ATP11B: variants seen among roughly 807,000 people sequenced by gnomAD.
The protein encoded by ATP11B is phospholipid-transporting ATPase IF.
A neutral mutation model predicts 157.8 loss-of-function variants in ATP11B; 81 were observed. The ratio of observed to expected loss-of-function variants is 0.51; its 90% CI spans 0.43 to 0.62. The LOEUF (loss-of-function observed/expected upper bound fraction) is 0.62, where lower values mean the gene tolerates loss of function less well. Ranked by LOEUF, ATP11B falls within the 20% of genes least tolerant of loss-of-function variation. The probability of loss-of-function intolerance (pLI) is 0.00; values close to 1 mark genes in which losing one functional copy is unlikely to be tolerated. For synonymous variants in ATP11B, 451 were observed against 469.4 expected (o/e 0.96, Z 0.51); for missense variants, 1,165 against 1,402.2 (o/e 0.83, Z 2.70).
chr3:182,840,809 A>G (rs774764666), intron 7 of ATP11B, among the ~76,000 whole-genome samples: 1 of 152,180 alleles, frequency 6.6e-6, no homozygotes, highest in Non-Finnish European at 1.5e-5. Context: ...CTGAGCCAGT[A>G]CCATCTCCTG....
intron 8 of ATP11B, 40 bp downstream of exon 8, chr3:182,842,162 G>T: frequency 7.0e-7 from 1 of 1,435,470 alleles, no homozygotes; most frequent in Non-Finnish European, 9.8e-7. Context: ...CTTTAAATGG[G>T]AACTGTTTGG....
chr3:182,827,864 T>G (rs1253743558), intron 2 of ATP11B, among the ~76,000 whole-genome samples: 1 of 151,940 alleles, frequency 6.6e-6, no homozygotes, highest in Non-Finnish European at 1.5e-5. Context: ...TGGAATTTAG[T>G]AGCAAAATTG....
At chr3:182,864,886 T>G (rs1255952404) in intron 12 of ATP11B, among the ~76,000 whole-genome samples, 1 of 152,190 alleles carries the variant, frequency 6.6e-6, no homozygotes, top group Admixed American at 6.5e-5. Flanking sequence ...TAATTTGTCT[T>G]ACTTACTTTT....
intron 19 of ATP11B, among the ~76,000 whole-genome samples, chr3:182,876,928 A>G (rs1722083531): frequency 6.6e-6 from 1 of 152,244 alleles, no homozygotes; most frequent in South Asian, 2.1e-4. Flanking sequence ...TGAGATAACC[A>G]TAGAAGTCAA....
At chr3:182,906,458 C>A (rs1724355308) in intron 28 of ATP11B, among the ~76,000 whole-genome samples, 1 of 151,998 alleles carries the variant, frequency 6.6e-6, no homozygotes, top group Non-Finnish European at 1.5e-5. Flanking sequence ...TAAATTTTTT[C>A]TTTGAGACAG....
intron 2 of ATP11B, among the ~76,000 whole-genome samples, chr3:182,826,039 C>T (rs756763900): frequency 3.9e-5 from 6 of 152,100 alleles, no homozygotes; most frequent in Non-Finnish European, 7.4e-5. Flanking sequence ...TTGTCTTAAC[C>T]ATTATTACAT....
chr3:182,914,012 G>C lies in ATP11B; in HGVS notation c.3452+18G>C, dbSNP rs751084003. 6 of 1,613,474 alleles carry C rather than the reference G, an allele frequency of 3.7e-6. No homozygotes were observed. In the South Asian group the frequency reaches 6.6e-5, roughly 18 times the overall value. Reference sequence around the variant, plus strand: ...ATCAGCAGGTGTGAAATCTCTCTAAGTAGCCTTTGCTGCAGATGAGTATCC... The same window carrying C: ...ATCAGCAGGTGTGAAATCTCTCTAACTAGCCTTTGCTGCAGATGAGTATCC... On this transcript the variant is annotated intron_variant, in intron 29 of 29. Coordinates refer to ENST00000323116, the MANE Select transcript of ATP11B (RefSeq NM_014616.3).
chr3:182,828,053 C>A, intron 2 of ATP11B, 67 bp from the exon 3 acceptor site: 1 of 669,308 alleles, frequency 1.5e-6, no homozygotes. Context: ...TACTTTACTT[C>A]TTAATATTAT....
At chr3:182,796,368 T>A (rs947857688) in intron 1 of ATP11B, among the ~76,000 whole-genome samples, 1 of 152,232 alleles carries the variant, frequency 6.6e-6, no homozygotes, top group Non-Finnish European at 1.5e-5. Flanking sequence ...TTGATTATAA[T>A]TATGGAAATG....
intron 21 of ATP11B, among the ~76,000 whole-genome samples, chr3:182,883,891 C>T (rs1202446320): frequency 2.7e-4 from 38 of 141,874 alleles, no homozygotes; most frequent in African/African-American, 7.9e-4. Flanking sequence ...GGAGGCGGAG[C>T]TTGCAGTGAG....
chr3:182,887,699 G>A lies in ATP11B; in HGVS notation c.2829G>A (p.Lys943=). 3.1e-6 allele frequency: 5 copies of A among 1,609,760 alleles called. No individual in the cohort carries two copies. Among genetic ancestry groups the A allele is most frequent in the Non-Finnish European group, 4.2e-6 (5 of 1,178,940 alleles). The part of the protein sequence containing the change: ...QHVDPHVLQN[K]PTLYRDISKN... ...TAGACCCTCATGTGTTACAAAATAA[G>A]CCCACCCTTTATCGGTAAGTATTTT... The change falls in exon 24 of 30, where the codon AAG becomes AAA. Residue 943 remains lysine (K), a synonymous_variant. Transcript: ENST00000323116.
chr3:182,905,807 A>C (rs1461731961), intron 28 of ATP11B: 2 of 456,750 alleles, frequency 4.4e-6, no homozygotes, highest in Admixed American at 2.3e-5. Flanking sequence ...GAAGAAGATA[A>C]GGGTTCAGTC....
At chr3:182,856,657 C>A (rs1720428377) in intron 10 of ATP11B, among the ~76,000 whole-genome samples, 1 of 152,142 alleles carries the variant, frequency 6.6e-6, no homozygotes, top group Admixed American at 6.5e-5. Flanking sequence ...GAATACTATG[C>A]CTAATACATA....
At chr3:182,800,093 G>C (rs995765823) in intron 1 of ATP11B, among the ~76,000 whole-genome samples, 1 of 151,878 alleles carries the variant, frequency 6.6e-6, no homozygotes, top group African/African-American at 2.4e-5. Context: ...CTGGATGACA[G>C]AGTAAGACCC....
chr3:182,801,362 G>C (rs748971490), intron 1 of ATP11B, among the ~76,000 whole-genome samples: 1 of 152,190 alleles, frequency 6.6e-6, no homozygotes, highest in Non-Finnish European at 1.5e-5. Context: ...TTTTGGAAAA[G>C]TTAGGAACAG....
At chr3:182,818,044 C>T (rs1172875624) in intron 1 of ATP11B, among the ~76,000 whole-genome samples, 3 of 152,086 alleles carry the variant, frequency 2.0e-5, no homozygotes, top group African/African-American at 7.2e-5. Flanking sequence ...TCTGTTTTAA[C>T]GGGCTCTTAA....
intron 2 of ATP11B, among the ~76,000 whole-genome samples, chr3:182,826,841 T>C (rs995195607): frequency 2.0e-5 from 3 of 152,108 alleles, no homozygotes; most frequent in Non-Finnish European, 4.4e-5. Flanking sequence ...CTCAAACAGC[T>C]AATTAAGAAG....
In ATP11B at chr3:182,836,395, G is replaced by A. The variant is rs1309401873; in HGVS notation, c.477G>A (p.Val159=). 1 of 1,613,924 alleles carries A rather than the reference G, an allele frequency of 6.2e-7. No individual in the cohort carries two copies. Among genetic ancestry groups the A allele is most frequent in the Non-Finnish European group, 8.5e-7 (1 of 1,179,850 alleles). The change falls in exon 6 of 30, where the codon GTG becomes GTA. Residue 159 remains valine (V), a synonymous_variant. Transcript: ENST00000323116. The stretch of plus-strand genomic sequence containing the variant: ...ATGAAATTTTTCCTGCAGACTTGGT[G>A]CTTCTGTCCTCAGATCGACTGGATG... ...AKDEIFPADL[V]LLSSDRLDGS... is the part of the protein sequence containing the mutation.
chr3:182,883,197 C>G (rs1399168502), intron 21 of ATP11B, among the ~76,000 whole-genome samples: 1 of 151,488 alleles, frequency 6.6e-6, no homozygotes, highest in Admixed American at 6.6e-5. Context: ...ATGTACATTA[C>G]AAGTATACAT....
Sources: allele counts gnomAD v4.1 joint callset (sites outside exome capture counted in the v4.1 genomes callset), GRCh38; gene constraint gnomAD v4.1.1; transcripts MANE v1.5; gene names NCBI Gene and HGNC (gene_info 2026-07-23, HGNC 2026-07-21).